The following PLA2R1 variants were observed in gnomAD, a reference collection of about 807,000 sequenced individuals.
The protein encoded by PLA2R1 is secretory phospholipase A2 receptor.
Under a neutral mutation model 195.9 loss-of-function variants are expected in PLA2R1, and 158 were observed. The observed-to-expected ratio is 0.81, with a 90% CI of 0.71 to 0.92. The LOEUF is 0.92. Among genes scored for constraint, PLA2R1 ranks in the 40% least tolerant of loss-of-function variants. The probability of loss-of-function intolerance (pLI) is 0.00; values close to 1 mark genes in which losing one functional copy is unlikely to be tolerated. For synonymous variants in PLA2R1, 586 were observed against 598.2 expected (o/e 0.98, Z 0.30); for missense variants, 1,626 against 1,764.6 (o/e 0.92, Z 1.41).
At chr2:160,041,739 G>A (rs1694533427) in intron 3 of PLA2R1, among the ~76,000 whole-genome samples, 2 of 152,226 alleles carry the variant, frequency 1.3e-5, no homozygotes, top group African/African-American at 2.4e-5. Context: ...GGATCAATGA[G>A]ATCGCAGAGT....
intron 1 of PLA2R1, among the ~76,000 whole-genome samples, chr2:160,046,274 G>A (rs1211622744): frequency 6.6e-6 from 1 of 152,204 alleles, no homozygotes; most frequent in East Asian, 1.9e-4. Flanking sequence ...GTCTGGTGAG[G>A]CCCAGGCGCT....
intron 22 of PLA2R1, 112 bp from the exon 23 acceptor site, chr2:159,955,458 C>G (rs558522092): frequency 3.0e-6 from 2 of 664,256 alleles, no homozygotes; most frequent in Non-Finnish European, 4.8e-6. Flanking sequence ...TTCCTTTATT[C>G]GCATTTAATA....
intron 1 of PLA2R1, among the ~76,000 whole-genome samples, chr2:160,054,881 G>C: frequency 6.6e-6 from 1 of 152,136 alleles, no homozygotes; most frequent in Admixed American, 6.5e-5. Flanking sequence ...TGGAGGGAAG[G>C]GTTTATAAAT....
chr2:160,026,954 T>G (rs201339764), intron 6 of PLA2R1, among the ~76,000 whole-genome samples: 2 of 152,116 alleles, frequency 1.3e-5, no homozygotes, highest in South Asian at 4.1e-4. Flanking sequence ...GCCAACATGG[T>G]GAAACCCCGT....
intron 23 of PLA2R1, among the ~76,000 whole-genome samples, chr2:159,954,699 C>G (rs998516497): frequency 3.3e-5 from 5 of 151,808 alleles, no homozygotes; most frequent in Admixed American, 2.0e-4. Flanking sequence ...ATTCATTGAC[C>G]CTGTTGGCTA....
intron 1 of PLA2R1, 83 bp from the exon 2 acceptor site, chr2:160,045,240 G>GATA (rs1385195869): frequency 1.2e-5 from 13 of 1,075,344 alleles, no homozygotes; most frequent in Non-Finnish European, 1.8e-5. Context: ...GCATATCTAA[G>GATA]TGCGATATGC....
In PLA2R1 at chr2:160,028,984, C is replaced by A; in HGVS notation, c.842-21G>T. On this transcript the variant is annotated intron_variant, in intron 4 of 29. Transcript: ENST00000283243. ...GTGCTCTGAAATGAAAATTATGGAG[C>A]TTCAAAAAAAAAATCCAGTGTTACA... 3.0e-6 allele frequency: 4 copies of A among 1,333,680 alleles called. No individual in the cohort carries two copies. The Admixed American group carries it at 5.3e-5, about 18-fold the overall frequency. The allele number at this position is 1,333,680 out of a possible 1,614,324, so 82.6% of individuals were successfully genotyped here. A position where few individuals can be genotyped will look rare whatever the true frequency, so the allele number is the denominator to read the frequency against.
intron 23 of PLA2R1, 32 bp from the exon 24 acceptor site, chr2:159,951,610 C>G: frequency 2.7e-6 from 3 of 1,105,778 alleles, no homozygotes; most frequent in Non-Finnish European, 4.2e-6. Context: ...AAGTCATTTG[C>G]AGCATCTGGA....
At chr2:159,944,860 G>A (rs756158087) in intron 28 of PLA2R1, 46 bp downstream of exon 28, 1 of 1,426,714 alleles carries the variant, frequency 7.0e-7, no homozygotes. Context: ...GTCAACATTA[G>A]TTAAGGTAGA....
In PLA2R1 at chr2:160,016,833, C is replaced by A. The variant is rs754069132; in HGVS notation, c.1453-121G>T. 4.7e-4 allele frequency: 289 copies of A among 610,622 alleles called. 4 individuals are homozygous for A. Among genetic ancestry groups the A allele is most frequent in the Admixed American group, 5.2e-4 (18 of 34,548 alleles). The allele number at this position is 610,622 out of a possible 1,614,324, so 37.8% of individuals were successfully genotyped here. A position where few individuals can be genotyped will look rare whatever the true frequency, so the allele number is the denominator to read the frequency against. ...CTCCCGCGTGGGATAATGTTTCAGG[C>A]GGCACTCTGCTTTGTCACGGAAAGG... On this transcript the variant is annotated intron_variant, in intron 8 of 29. Coordinates refer to ENST00000283243, the MANE Select transcript of PLA2R1 (RefSeq NM_007366.5).
chr2:160,005,567 G>T, intron 11 of PLA2R1, 85 bp downstream of exon 11: 1 of 1,102,380 alleles, frequency 9.1e-7, no homozygotes, highest in Non-Finnish European at 1.3e-6. Flanking sequence ...CATTAAGAAA[G>T]AATCAAAGGA....
intron 1 of PLA2R1, among the ~76,000 whole-genome samples, chr2:160,054,685 C>A (rs974887805): frequency 6.6e-6 from 1 of 152,140 alleles, no homozygotes; most frequent in African/African-American, 2.4e-5. Context: ...TTCTAATTTT[C>A]TTGAGTGGCT....
intron 27 of PLA2R1, chr2:159,945,828 T>C: frequency 1.0e-6 from 1 of 964,908 alleles, no homozygotes; most frequent in Non-Finnish European, 1.2e-6. Flanking sequence ...AGTTGCCTCT[T>C]TATTTTAGGT....
intron 6 of PLA2R1, among the ~76,000 whole-genome samples, chr2:160,027,243 T>C (rs953478687): frequency 1.3e-5 from 2 of 149,962 alleles, no homozygotes; most frequent in Non-Finnish European, 3.0e-5. Flanking sequence ...AGGATAAATA[T>C]AACAGAAGGA....
chr2:160,033,704 C>T (rs766286398), intron 3 of PLA2R1, among the ~76,000 whole-genome samples: 2 of 151,992 alleles, frequency 1.3e-5, no homozygotes, highest in East Asian at 1.9e-4. Context: ...AGACACTGGC[C>T]GAAGATTGCA....
chr2:160,021,412 T>A (rs2666995), intron 7 of PLA2R1, among the ~76,000 whole-genome samples: 110,267 of 152,044 alleles, frequency 0.73, 40,440 homozygotes, highest in East Asian at 0.87. Flanking sequence ...GAAAATATGG[T>A]ATATATATAT....
intron 7 of PLA2R1, among the ~76,000 whole-genome samples, chr2:160,022,007 T>C (rs779088114): frequency 1.3e-5 from 2 of 152,216 alleles, no homozygotes; most frequent in African/African-American, 4.8e-5. Flanking sequence ...GAAGGATGCA[T>C]GTTTTTACTC....
chr2:159,965,820 C>G (rs1380198405), intron 20 of PLA2R1, among the ~76,000 whole-genome samples: 1 of 152,144 alleles, frequency 6.6e-6, no homozygotes, highest in African/African-American at 2.4e-5. Context: ...TGTCAGTGCT[C>G]TGGATTTGGG....
At chr2:160,019,584 T>C (rs1412617098) in intron 8 of PLA2R1, among the ~76,000 whole-genome samples, 3 of 152,236 alleles carry the variant, frequency 2.0e-5, no homozygotes, top group Admixed American at 2.0e-4. Context: ...TTGTAAAATG[T>C]AAATCAGGTC....
Sources: allele counts gnomAD v4.1 joint callset (sites outside exome capture counted in the v4.1 genomes callset), GRCh38; gene constraint gnomAD v4.1.1; transcripts MANE v1.5; gene names NCBI Gene and HGNC (gene_info 2026-07-23, HGNC 2026-07-21).